ROBO1: variants seen among roughly 807,000 people sequenced by gnomAD.
The protein encoded by ROBO1 is roundabout homolog 1.
ROBO1 carries 149 observed loss-of-function variants against 195.9 expected under a neutral mutation model. That is an observed-to-expected ratio of 0.76 (90% CI 0.67 to 0.87). ROBO1 has a LOEUF of 0.87. ROBO1 is among the 40% of genes least tolerant of loss of function. The pLI is 0.00. For synonymous variants in ROBO1, 816 were observed against 733.2 expected, an observed-to-expected ratio of 1.11 and a Z score of -1.82; for missense variants, 1,933 against 2,068.3, an observed-to-expected ratio of 0.93 and a Z score of 1.27.
At chr3:78,742,230 C>G (rs1436834298) in intron 5 of ROBO1, among the ~76,000 whole-genome samples, 1 of 152,030 alleles carries the variant, frequency 6.6e-6, no homozygotes, top group Admixed American at 6.6e-5. Flanking sequence ...TCTTTCATAA[C>G]GATATTATGT....
chr3:79,184,940 T>C (rs1321748226), intron 2 of ROBO1, among the ~76,000 whole-genome samples: 4 of 152,130 alleles, frequency 2.6e-5, no homozygotes, highest in African/African-American at 9.7e-5. Context: ...CCTTGAGTAG[T>C]GGAGAAGCAT....
intron 2 of ROBO1, among the ~76,000 whole-genome samples, chr3:79,173,461 T>C (rs1448766480): frequency 6.6e-6 from 1 of 151,898 alleles, no homozygotes; most frequent in Non-Finnish European, 1.5e-5. Flanking sequence ...CCCTGGGCAA[T>C]GAGGAGCTTA....
chr3:78,788,090 C>A (rs904797651), intron 4 of ROBO1, among the ~76,000 whole-genome samples: 1 of 151,484 alleles, frequency 6.6e-6, no homozygotes, highest in African/African-American at 2.4e-5. Context: ...CAGGCGCCTG[C>A]CACCGCGCCC....
intron 4 of ROBO1, among the ~76,000 whole-genome samples, chr3:78,816,620 C>T (rs2029955291): frequency 1.3e-5 from 2 of 151,690 alleles, no homozygotes; most frequent in African/African-American, 4.8e-5. Context: ...TGGGAGGAGG[C>T]CAACATATCA....
intron 8 of ROBO1, among the ~76,000 whole-genome samples, chr3:78,701,851 T>C (rs1004573084): frequency 1.3e-5 from 2 of 152,192 alleles, no homozygotes; most frequent in African/African-American, 4.8e-5. Context: ...CTCATAAATC[T>C]GTTATAAAGC....
intron 3 of ROBO1, among the ~76,000 whole-genome samples, chr3:78,984,827 A>G (rs1224550767): frequency 6.6e-6 from 1 of 152,148 alleles, no homozygotes; most frequent in African/African-American, 2.4e-5. Flanking sequence ...GGGAAGAGAA[A>G]TACAGTTGAC....
At chr3:78,711,090 G>T (rs1284225356) in intron 8 of ROBO1, among the ~76,000 whole-genome samples, 1 of 152,104 alleles carries the variant, frequency 6.6e-6, no homozygotes, top group African/African-American at 2.4e-5. Context: ...GACGTTATGA[G>T]ATACAGACAG....
At chr3:78,766,560 C>A (rs897108722) in intron 4 of ROBO1, among the ~76,000 whole-genome samples, 1 of 152,102 alleles carries the variant, frequency 6.6e-6, no homozygotes, top group Non-Finnish European at 1.5e-5. Context: ...ATATCCTCAG[C>A]AAACAGTGAC....
intron 3 of ROBO1, among the ~76,000 whole-genome samples, chr3:78,953,097 G>A (rs1391300480): frequency 6.6e-6 from 1 of 151,872 alleles, no homozygotes; most frequent in Non-Finnish European, 1.5e-5. Context: ...AAAGAATTTT[G>A]CCTCCCCTCT....
At chr3:79,581,953 G>T (rs976064901) in intron 2 of ROBO1, among the ~76,000 whole-genome samples, 52 of 151,634 alleles carry the variant, frequency 3.4e-4, no homozygotes, top group African/African-American at 1.2e-3. Flanking sequence ...CTTTTAACTT[G>T]GTTAATTGTC....
chr3:79,124,992 T>A (rs994656144), intron 3 of ROBO1, among the ~76,000 whole-genome samples: 1 of 152,108 alleles, frequency 6.6e-6, no homozygotes, highest in Non-Finnish European at 1.5e-5. Flanking sequence ...TCCAAAGATG[T>A]AAGTTGGTGG....
At chr3:79,258,195 A>T (rs747295257) in intron 2 of ROBO1, among the ~76,000 whole-genome samples, 1 of 152,186 alleles carries the variant, frequency 6.6e-6, no homozygotes, top group African/African-American at 2.4e-5. Context: ...TTACACCTAC[A>T]TTTGACTTCA....
intron 4 of ROBO1, among the ~76,000 whole-genome samples, chr3:78,889,414 G>T (rs17016573): frequency 0.072 from 10,890 of 152,190 alleles, 911 homozygotes; most frequent in African/African-American, 0.21. Flanking sequence ...CCACCAACTT[G>T]ACTTTTTTAG....
chr3:79,289,740 T>A (rs2032123385), intron 2 of ROBO1, among the ~76,000 whole-genome samples: 1 of 152,212 alleles, frequency 6.6e-6, no homozygotes. Flanking sequence ...AGGGATAACA[T>A]TTCCAGAACC....
intron 3 of ROBO1, among the ~76,000 whole-genome samples, chr3:79,081,853 G>C (rs1576651368): frequency 6.6e-6 from 1 of 152,068 alleles, no homozygotes; most frequent in African/African-American, 2.4e-5. Context: ...GCAACGTCAA[G>C]AAAATTTATA....
intron 2 of ROBO1, among the ~76,000 whole-genome samples, chr3:79,543,945 G>A (rs1042704590): frequency 1.1e-4 from 17 of 151,986 alleles, no homozygotes; most frequent in African/African-American, 3.6e-4. Flanking sequence ...GCAGAAATAA[G>A]CAAAAATGTT....
chr3:78,708,265 C>A (rs758509489), intron 8 of ROBO1, among the ~76,000 whole-genome samples: 7 of 152,060 alleles, frequency 4.6e-5, no homozygotes, highest in African/African-American at 1.7e-4. Flanking sequence ...TATCACCTAT[C>A]TTTCGTTTGG....
chr3:78,719,958 T>C (rs2082001963), intron 5 of ROBO1, among the ~76,000 whole-genome samples: 1 of 152,232 alleles, frequency 6.6e-6, no homozygotes. Context: ...CATTTTAATA[T>C]AAATATATCA....
chr3:78,711,361 TCC>T (rs1256278530), intron 8 of ROBO1, among the ~76,000 whole-genome samples: 1,069 of 40,214 alleles, frequency 0.027, 46 homozygotes, highest in African/African-American at 0.096. Context: ...CTTCCTTCCT[TCC>T]TTCCTTCCTT....
Sources: allele counts gnomAD v4.1 joint callset (sites outside exome capture counted in the v4.1 genomes callset), GRCh38; gene constraint gnomAD v4.1.1; transcripts MANE v1.5; gene names NCBI Gene and HGNC (gene_info 2026-07-23, HGNC 2026-07-21).